The following CNTN3 variants were observed in gnomAD, a reference collection of about 807,000 sequenced individuals.
The protein encoded by CNTN3 is contactin 3, also known as contactin-3.
In CNTN3, 60 loss-of-function variants were observed where a neutral mutation model predicts 119.1. The observed-to-expected ratio is 0.50, with a 90% CI of 0.41 to 0.62. The LOEUF is 0.62. Among genes scored for constraint, CNTN3 ranks in the 20% least tolerant of loss-of-function variants. CNTN3 has a pLI of 0.00. For synonymous variants in CNTN3, 450 were observed against 438.7 expected, an observed-to-expected ratio of 1.03 and a Z score of -0.32; for missense variants, 1,101 against 1,242.4, an observed-to-expected ratio of 0.89 and a Z score of 1.71.
chr3:74,273,926 T>C (rs1160120172), intron 20 of CNTN3, among the ~76,000 whole-genome samples: 1 of 152,150 alleles, frequency 6.6e-6, no homozygotes, highest in Non-Finnish European at 1.5e-5. Flanking sequence ...TTCTCAGCCC[T>C]GCCTGCCCAC....
intron 4 of CNTN3, among the ~76,000 whole-genome samples, chr3:74,443,929 T>A (rs1046576682): frequency 5.3e-5 from 8 of 152,250 alleles, no homozygotes; most frequent in Non-Finnish European, 1.0e-4. Context: ...TGTCTCACAA[T>A]TCTGGAGGCT....
intron 4 of CNTN3, among the ~76,000 whole-genome samples, chr3:74,437,229 T>TG (rs1239316792): frequency 1.3e-5 from 2 of 152,140 alleles, no homozygotes; most frequent in East Asian, 3.9e-4. Context: ...GAGACCAAGG[T>TG]GGGCGGATCA....
intron 20 of CNTN3, among the ~76,000 whole-genome samples, chr3:74,277,500 G>A (rs991882014): frequency 1.3e-5 from 2 of 151,980 alleles, no homozygotes; most frequent in Non-Finnish European, 1.5e-5. Context: ...CACATAAACA[G>A]AATTAAAAAC....
intron 13 of CNTN3, among the ~76,000 whole-genome samples, chr3:74,307,832 A>G (rs1702595977): frequency 6.6e-6 from 1 of 152,242 alleles, no homozygotes; most frequent in Non-Finnish European, 1.5e-5. Context: ...GCTAGTAAGC[A>G]ATCTCAATGT....
At position 74,524,425 on chromosome 3, in the gene CNTN3, T is replaced by A. The variant is rs1703586521; in HGVS notation, c.-80-3233A>T. On this transcript the variant is annotated intron_variant, in intron 1 of 22. Transcript: ENST00000263665. ...ATTTATAAATTGCCCACATGAAAGG[T>A]ACAGTAGAGGGTAGACGTTTCTATG... Among the ~76,000 whole-genome samples the A allele has an allele frequency of 2.0e-5, 3 of 151,676 alleles. No homozygotes were observed. The South Asian group carries it at 6.2e-4, about 32-fold the overall frequency.
At chr3:74,303,029 A>C (rs920320271) in intron 13 of CNTN3, among the ~76,000 whole-genome samples, 1 of 152,238 alleles carries the variant, frequency 6.6e-6, no homozygotes, top group Non-Finnish European at 1.5e-5. Flanking sequence ...CCAAATAAAC[A>C]ACAAGCTTCC....
intron 1 of CNTN3, among the ~76,000 whole-genome samples, chr3:74,556,737 C>T (rs564575950): frequency 1.3e-4 from 20 of 152,292 alleles, no homozygotes; most frequent in African/African-American, 4.8e-4. Context: ...TGTAACTCCA[C>T]CATCTTACTA....
At chr3:74,513,678 T>C (rs1302951415) in intron 2 of CNTN3, among the ~76,000 whole-genome samples, 1 of 151,494 alleles carries the variant, frequency 6.6e-6, no homozygotes, top group East Asian at 1.9e-4. Context: ...TAAAAAGATA[T>C]AGTTTCACGA....
intron 1 of CNTN3, among the ~76,000 whole-genome samples, chr3:74,545,697 G>T (rs1004400706): frequency 1.3e-5 from 2 of 151,934 alleles, no homozygotes; most frequent in African/African-American, 4.8e-5. Context: ...CTTTCTTAGG[G>T]GTACCCAGAT....
chr3:74,437,976 TA>T (rs948838464), intron 4 of CNTN3, among the ~76,000 whole-genome samples: 10 of 152,304 alleles, frequency 6.6e-5, no homozygotes, highest in African/African-American at 1.9e-4. Context: ...ATATCATATT[TA>T]AAAAACTTAC....
chr3:74,610,342 A>G (rs1406780728), intron 1 of CNTN3, among the ~76,000 whole-genome samples: 2 of 151,632 alleles, frequency 1.3e-5, no homozygotes, highest in Non-Finnish European at 2.9e-5. Context: ...AAATGAAAAA[A>G]AAAACCCTGT....
intron 1 of CNTN3, among the ~76,000 whole-genome samples, chr3:74,601,935 T>G (rs1322431747): frequency 1.3e-5 from 2 of 151,904 alleles, no homozygotes; most frequent in East Asian, 3.9e-4. Context: ...ATGGAAACAA[T>G]AGAGCCAGAC....
chr3:74,288,139 TTTTTC>T (rs1162272825), intron 19 of CNTN3, among the ~76,000 whole-genome samples: 77 of 148,176 alleles, frequency 5.2e-4, no homozygotes, highest in African/African-American at 1.6e-3. Flanking sequence ...TTTGACATCT[TTTTTC>T]TTTTCTTTTC....
intron 11 of CNTN3, among the ~76,000 whole-genome samples, chr3:74,357,752 C>T (rs1451712438): frequency 2.6e-5 from 4 of 151,958 alleles, no homozygotes; most frequent in Admixed American, 2.0e-4. Flanking sequence ...TTCTTATTCG[C>T]CGACAAGTCC....
At chr3:74,611,619 G>A (rs894512453) in intron 1 of CNTN3, among the ~76,000 whole-genome samples, 1 of 152,072 alleles carries the variant, frequency 6.6e-6, no homozygotes, top group Non-Finnish European at 1.5e-5. Flanking sequence ...ACTGTTCCGT[G>A]GCCCCATATT....
chr3:74,285,804 T>G (rs1258412865), intron 19 of CNTN3, among the ~76,000 whole-genome samples: 3 of 91,858 alleles, frequency 3.3e-5, no homozygotes, highest in African/African-American at 8.1e-5. Context: ...TATATATATA[T>G]ATATATATAT....
chr3:74,392,053 T>C (rs1375188821), intron 5 of CNTN3, among the ~76,000 whole-genome samples: 1 of 151,174 alleles, frequency 6.6e-6, no homozygotes, highest in Non-Finnish European at 1.5e-5. Flanking sequence ...GGCCCTGAGA[T>C]GGGGGAAAAA....
At chr3:74,369,156 T>C in intron 8 of CNTN3, 33 bp downstream of exon 8, 1 of 1,517,102 alleles carries the variant, frequency 6.6e-7, no homozygotes, top group African/African-American at 1.4e-5. Context: ...AAGTAAAAGC[T>C]AAAACTCCAA....
chr3:74,608,539 C>G (rs1043883258), intron 1 of CNTN3, among the ~76,000 whole-genome samples: 3 of 152,122 alleles, frequency 2.0e-5, no homozygotes, highest in African/African-American at 7.2e-5. Context: ...GCTTATGCTT[C>G]CTTTAGAGCA....
Sources: gnomAD v4.1 joint callset for allele counts (sites outside exome capture counted in the v4.1 genomes callset) on GRCh38, gnomAD v4.1.1 for gene constraint, MANE v1.5 for transcripts, NCBI Gene and HGNC (gene_info 2026-07-23, HGNC 2026-07-21) for gene names.